The following TNFRSF9 variants were observed in gnomAD, a reference collection of about 807,000 sequenced individuals.
TNFRSF9 encodes the protein tumor necrosis factor receptor superfamily member 9.
TNFRSF9 carries 16 observed loss-of-function variants against 28.8 expected under a neutral mutation model. That is an observed-to-expected ratio of 0.55 (90% CI 0.38 to 0.84). TNFRSF9 has a LOEUF of 0.84. Ranked by LOEUF, TNFRSF9 falls within the 40% of genes least tolerant of loss-of-function variation. The pLI, the probability that TNFRSF9 is intolerant of heterozygous loss-of-function variation, is 0.00. For synonymous variants in TNFRSF9, 131 were observed against 117.0 expected (o/e 1.12, Z -0.77); for missense variants, 303 against 315.0 (o/e 0.96, Z 0.29).
rs1027965477 is a variant in TNFRSF9 at position 7,918,670 on chromosome 1, A to C, written c.*2165T>G. ...GCATGAGCCACTGCACCCGGCCCCA[A>C]GTTTTTTTGCAAATGGGCAAAAAAG... is the stretch of plus-strand genomic sequence containing the variant. On this transcript the variant is annotated 3_prime_UTR_variant, in exon 8 of 8. Transcript: ENST00000377507. 3 of 152,192 alleles carry C rather than the reference A, an allele frequency of 2.0e-5. No individual in the cohort carries two copies. Among genetic ancestry groups the C allele is most frequent in the African/African-American group, 7.2e-5 (3 of 41,444 alleles). 9.4% of individuals were successfully genotyped at this position (152,192 alleles called of 1,614,324 possible). A position where few individuals can be genotyped will look rare whatever the true frequency, so the allele number is the denominator to read the frequency against.
Position 7,920,849 on chromosome 1 carries a change from C to T in TNFRSF9, c.754G>A (p.Gly252Arg), listed in dbSNP as rs761088691. Residue 252 changes from glycine to arginine, a missense_variant, in exon 8 of 8, where the codon GGA becomes AGA. By Grantham distance (125) the Gly-to-Arg change is moderately radical (BLOSUM62 -2). Transcript: ENST00000377507. ...TGACTTCCATTTCACAGTTCACATCCTCCTTCTTCTTCTTCTGGAAATCGG... is the reference window on the plus strand; with the variant it reads ...TGACTTCCATTTCACAGTTCACATCTTCCTTCTTCTTCTTCTGGAAATCGG... ...SCRFPEEEEG[G>R]CEL The T allele has an allele frequency of 6.2e-7, 1 of 1,613,760 alleles. No homozygotes were observed. The highest frequency in any genetic ancestry group is 1.7e-5 in the Admixed American group (1 of 59,976).
intron 7 of TNFRSF9, among the ~76,000 whole-genome samples, chr1:7,931,509 T>C (rs985613372): frequency 6.6e-6 from 1 of 152,228 alleles, no homozygotes; most frequent in African/African-American, 2.4e-5. Flanking sequence ...AGAAGCAAGA[T>C]ACAGAAAACA....
chr1:7,918,843 G>A lies in TNFRSF9; in HGVS notation c.*1992C>T, dbSNP rs1639517714. On this transcript the variant is annotated 3_prime_UTR_variant, in exon 8 of 8. Coordinates refer to ENST00000377507, the MANE Select transcript of TNFRSF9 (RefSeq NM_001561.6). ...TGGCTTGGCAAAATTAAGGGCACCT[G>A]ATAGTACCAGAGGGTAGCAAGGATG... The A allele has an allele frequency of 6.6e-6, 1 of 152,180 alleles. No individual in the cohort carries two copies. Among genetic ancestry groups the A allele is most frequent in the African/African-American group, 2.4e-5 (1 of 41,430 alleles). The allele number at this position is 152,180 out of a possible 1,614,324, so 9.4% of individuals were successfully genotyped here.
chr1:7,937,617 G>T, intron 5 of TNFRSF9, 73 bp downstream of exon 5: 1 of 1,259,638 alleles, frequency 7.9e-7, no homozygotes, highest in Non-Finnish European at 1.2e-6. Context: ...AAGCTTCAAT[G>T]ATAGCATTCC....
At position 7,920,737 on chromosome 1, in the gene TNFRSF9, T is replaced by G; in HGVS notation, c.*98A>C. The G allele has an allele frequency of 1.1e-6, 1 of 950,858 alleles. No individual in the cohort carries two copies. Among genetic ancestry groups the G allele is most frequent in the Non-Finnish European group, 1.7e-6 (1 of 586,426 alleles). 58.9% of individuals were successfully genotyped at this position (950,858 alleles called of 1,614,324 possible). On this transcript the variant is annotated 3_prime_UTR_variant, in exon 8 of 8. Transcript: ENST00000377507. ...TGTTGGGGGAATCCTGGGTATTATG[T>G]AGGATGGTGTTCTTGCTTTTGAAAG...
At chr1:7,938,972 TC>T (rs573987152) in intron 2 of TNFRSF9, 144 bp from the exon 3 acceptor site, 177 of 563,498 alleles carry the variant, frequency 3.1e-4, no homozygotes, top group African/African-American at 3.1e-3. Context: ...TTGATTGACT[TC>T]CTAAAACAAT....
At position 7,933,294 on chromosome 1, in the gene TNFRSF9, G is replaced by T; in HGVS notation, c.547C>A (p.His183Asn). The change falls in exon 7 of 8, where the codon CAC (histidine) becomes AAC (asparagine). Residue 183 changes from histidine (H) to asparagine (N), a missense_variant and splice_region_variant. By Grantham distance (68) the His-to-Asn change is moderately conservative. Transcript: ENST00000377507. ...AAGAAGGAGATGATCTGCGGAGAGTGTCCTGCAAAACACAGCAAAAGGAGA... is the reference window on the plus strand; with the variant it reads ...AAGAAGGAGATGATCTGCGGAGAGTTTCCTGCAAAACACAGCAAAAGGAGA... ...TPPAPAREPG[H>N]SPQIISFFLA... is the part of the protein sequence containing the mutation. 1 of 1,612,538 alleles carries T rather than the reference G, an allele frequency of 6.2e-7. No individual in the cohort carries two copies. Among genetic ancestry groups the T allele is most frequent in the Admixed American group, 1.7e-5 (1 of 59,668 alleles).
chr1:7,928,894 C>T (rs1278786348), intron 7 of TNFRSF9, among the ~76,000 whole-genome samples: 1 of 151,938 alleles, frequency 6.6e-6, no homozygotes, highest in African/African-American at 2.4e-5. Flanking sequence ...CAAACAACAA[C>T]AATAACAACA....
At chr1:7,921,015 T>A in intron 7 of TNFRSF9, 92 bp from the exon 8 acceptor site, 2 of 933,552 alleles carry the variant, frequency 2.1e-6, no homozygotes, top group Non-Finnish European at 3.4e-6. Flanking sequence ...AGAACATCTC[T>A]AAGCAGCAAA....
chr1:7,916,300 A>G lies in TNFRSF9; in HGVS notation c.*4535T>C, dbSNP rs1034500580. 1.3e-5 allele frequency: 2 copies of G among 152,216 alleles called. No individual in the cohort carries two copies. The highest frequency in any genetic ancestry group is 4.8e-5 in the African/African-American group (2 of 41,464). The allele number at this position is 152,216 out of a possible 1,614,324, so 9.4% of individuals were successfully genotyped here. A position where few individuals can be genotyped will look rare whatever the true frequency, so the allele number is the denominator to read the frequency against. On this transcript the variant is annotated 3_prime_UTR_variant, in exon 8 of 8. Transcript: ENST00000377507. ...TCTAAATTAAACCCAGAAGGGGATC[A>G]TTTTATTCTGTCTCAATGTTCCTTC...
chr1:7,920,782 A>G lies in TNFRSF9; in HGVS notation c.*53T>C, dbSNP rs551252279. 1.3e-5 allele frequency: 18 copies of G among 1,416,266 alleles called. No individual in the cohort carries two copies. The highest frequency in any genetic ancestry group is 2.8e-5 in the African/African-American group (2 of 70,944). 87.7% of individuals were successfully genotyped at this position (1,416,266 alleles called of 1,614,324 possible). The stretch of plus-strand genomic sequence containing the variant: ...TGAAAGCTGTGATAGCGGATGACTC[A>G]TATTTCCTTGCTTCTTTTCAAGAAA... On this transcript the variant is annotated 3_prime_UTR_variant, in exon 8 of 8. Transcript: ENST00000377507.
At chr1:7,922,500 G>A (rs559410173) in intron 7 of TNFRSF9, among the ~76,000 whole-genome samples, 25 of 152,180 alleles carry the variant, frequency 1.6e-4, no homozygotes, top group Middle Eastern at 6.8e-3. Flanking sequence ...TGCCAATAGC[G>A]TGGACAAAAC....
At chr1:7,939,319 CA>C (rs34622301) in intron 2 of TNFRSF9, among the ~76,000 whole-genome samples, 67,539 of 103,784 alleles carry the variant, frequency 0.65, 18,651 homozygotes, top group East Asian at 0.91. Flanking sequence ...GACTGTGTCT[CA>C]AAAAAAAAAA....
chr1:7,935,552 A>G (rs1429648073), intron 5 of TNFRSF9, among the ~76,000 whole-genome samples: 2 of 152,212 alleles, frequency 1.3e-5, no homozygotes, highest in Non-Finnish European at 2.9e-5. Flanking sequence ...TAACCCCAGC[A>G]TGGTGGCTCA....
intron 7 of TNFRSF9, among the ~76,000 whole-genome samples, chr1:7,929,704 C>A (rs1639706618): frequency 6.6e-6 from 1 of 152,052 alleles, no homozygotes; most frequent in East Asian, 1.9e-4. Context: ...AGGTAGAGGA[C>A]CTAACTAGAA....
At chr1:7,926,999 G>A (rs1639665774) in intron 7 of TNFRSF9, among the ~76,000 whole-genome samples, 1 of 152,036 alleles carries the variant, frequency 6.6e-6, no homozygotes, top group African/African-American at 2.4e-5. Context: ...CAAGGCAGGA[G>A]GATTGTTTAA....
Position 7,916,773 on chromosome 1 carries a change from T to A in TNFRSF9, c.*4062A>T, listed in dbSNP as rs1175268077. ...AATTGTACAGCCAATAATTGTTCTC[T>A]TATTCTTATTGGAACACCAGATGAC... On this transcript the variant is annotated 3_prime_UTR_variant, in exon 8 of 8. Transcript: ENST00000377507. 6.6e-6 allele frequency: 1 copy of A among 152,226 alleles called. No individual in the cohort carries two copies. The highest frequency in any genetic ancestry group is 2.4e-5 in the African/African-American group (1 of 41,446). 9.4% of individuals were successfully genotyped at this position (152,226 alleles called of 1,614,324 possible).
intron 7 of TNFRSF9, among the ~76,000 whole-genome samples, chr1:7,921,143 G>T (rs9658040): frequency 1.3e-5 from 2 of 151,418 alleles, no homozygotes; most frequent in Admixed American, 1.3e-4. Context: ...CAAGACCAGC[G>T]TGGCCAACAT....
intron 7 of TNFRSF9, among the ~76,000 whole-genome samples, chr1:7,921,181 C>T (rs1398426726): frequency 6.6e-6 from 1 of 151,296 alleles, no homozygotes; most frequent in Admixed American, 6.6e-5. Flanking sequence ...ACTAAAAATA[C>T]AAAAATTAGC....
Sources: gnomAD v4.1 joint callset for allele counts (sites outside exome capture counted in the v4.1 genomes callset) on GRCh38, gnomAD v4.1.1 for gene constraint, MANE v1.5 for transcripts, NCBI Gene and HGNC (gene_info 2026-07-23, HGNC 2026-07-21) for gene names.